The following MYO1D variants were observed in gnomAD, a reference collection of about 807,000 sequenced individuals.
MYO1D encodes the protein unconventional myosin-Id.
In MYO1D, 83 loss-of-function variants were observed where a neutral mutation model predicts 122.0. That is an observed-to-expected ratio of 0.68 (90% CI 0.57 to 0.82). MYO1D has a LOEUF of 0.82. MYO1D is among the 40% of genes least tolerant of loss of function. MYO1D has a pLI of 0.00. For missense variants in MYO1D, 1,157 were observed against 1,269.5 expected, an observed-to-expected ratio of 0.91 and a Z score of 1.35; for synonymous variants, 464 against 446.9, an observed-to-expected ratio of 1.04 and a Z score of -0.48.
At chr17:32,851,934 A>C (rs2090993166) in intron 1 of MYO1D, among the ~76,000 whole-genome samples, 1 of 151,980 alleles carries the variant, frequency 6.6e-6, no homozygotes, top group African/African-American at 2.4e-5. Flanking sequence ...GGGGGTTGGG[A>C]CCCCTGATCT....
At chr17:32,836,831 G>C (rs2090829491) in intron 1 of MYO1D, among the ~76,000 whole-genome samples, 1 of 152,044 alleles carries the variant, frequency 6.6e-6, no homozygotes, top group Non-Finnish European at 1.5e-5. Context: ...TTTTGGTTTA[G>C]TTTGAATGAA....
chr17:32,872,857 C>T (rs1328866916), intron 1 of MYO1D, among the ~76,000 whole-genome samples: 3 of 151,406 alleles, frequency 2.0e-5, no homozygotes, highest in African/African-American at 4.9e-5. Context: ...CCACCGCGCC[C>T]GGCTAATTTT....
At chr17:32,561,382 T>C (rs7208674) in intron 21 of MYO1D, among the ~76,000 whole-genome samples, 45,389 of 151,652 alleles carry the variant, frequency 0.3, 8,389 homozygotes, top group African/African-American at 0.53. Context: ...AATTCATACA[T>C]GTTTATTGTA....
At chr17:32,780,482 T>C (rs958800134) in intron 2 of MYO1D, 94 bp downstream of exon 2, 1 of 1,341,214 alleles carries the variant, frequency 7.5e-7, no homozygotes, top group Non-Finnish European at 1.0e-6. Flanking sequence ...CTTCTACCTT[T>C]AAAAAAATAT....
intron 3 of MYO1D, 143 bp downstream of exon 3, chr17:32,778,337 A>C: frequency 1.6e-6 from 1 of 608,202 alleles, no homozygotes; most frequent in African/African-American, 1.8e-5. Context: ...ACTTAAGAGA[A>C]TCAAAGTAGC....
intron 1 of MYO1D, among the ~76,000 whole-genome samples, chr17:32,793,697 G>C (rs1235209252): frequency 6.6e-6 from 1 of 152,166 alleles, no homozygotes; most frequent in Non-Finnish European, 1.5e-5. Flanking sequence ...TGCAGCATAT[G>C]GGTATTCCCA....
At chr17:32,663,080 GCTAA>G (rs1481625450) in intron 16 of MYO1D, among the ~76,000 whole-genome samples, 2 of 151,972 alleles carry the variant, frequency 1.3e-5, no homozygotes, top group Non-Finnish European at 1.5e-5. Flanking sequence ...ACCACGCCTG[GCTAA>G]CTTTTTGTAT....
intron 14 of MYO1D, among the ~76,000 whole-genome samples, chr17:32,732,393 A>C (rs970203020): frequency 6.6e-6 from 1 of 152,130 alleles, no homozygotes; most frequent in African/African-American, 2.4e-5. Context: ...AAGCCCATAA[A>C]AACCCCAGAC....
chr17:32,580,816 T>C (rs2087331919), intron 21 of MYO1D, among the ~76,000 whole-genome samples: 1 of 152,242 alleles, frequency 6.6e-6, no homozygotes, highest in Non-Finnish European at 1.5e-5. Flanking sequence ...TATTGTTGGA[T>C]TTGATTAGTT....
intron 21 of MYO1D, among the ~76,000 whole-genome samples, chr17:32,539,649 A>G (rs1026384542): frequency 6.6e-6 from 1 of 151,924 alleles, no homozygotes; most frequent in African/African-American, 2.4e-5. Context: ...ATCTCCCTCT[A>G]CCTTTCTTTT....
At chr17:32,520,766 C>T (rs1017648216) in intron 21 of MYO1D, among the ~76,000 whole-genome samples, 25 of 152,204 alleles carry the variant, frequency 1.6e-4, no homozygotes, top group African/African-American at 6.0e-4. Context: ...TCCTAGAAGC[C>T]ACTGTGGTAT....
chr17:32,644,105 G>C lies in MYO1D; in HGVS notation c.2596-5270C>G, dbSNP rs536582981. Among the ~76,000 whole-genome samples, 1,016 of 151,968 alleles carry C rather than the reference G, an allele frequency of 6.7e-3. 9 individuals are homozygous for C. Among genetic ancestry groups the C allele is most frequent in the Non-Finnish European group, 8.9e-3 (604 of 67,946 alleles). Reference sequence around the variant, plus strand: ...GCTTTGAATGTGTCCCAGAGATTCTGGTATGTTGTGTCTTTGTTCTCGTTG... The same window carrying C: ...GCTTTGAATGTGTCCCAGAGATTCTCGTATGTTGTGTCTTTGTTCTCGTTG... On this transcript the variant is annotated intron_variant, in intron 19 of 21. Transcript: ENST00000318217.
chr17:32,612,696 C>CAAAAAAAAAAAAAAAAAAAA (rs1158470135), intron 20 of MYO1D, among the ~76,000 whole-genome samples: 14 of 104,496 alleles, frequency 1.3e-4, no homozygotes, highest in Admixed American at 2.3e-4. Flanking sequence ...AAAAAAAAAA[C>CAAAAAAAAAAAAAAAAAAAA]AAAAAAAAAA....
chr17:32,724,857 C>G (rs1310877022), intron 14 of MYO1D, among the ~76,000 whole-genome samples: 1 of 152,172 alleles, frequency 6.6e-6, no homozygotes, highest in Non-Finnish European at 1.5e-5. Context: ...GCAAAATTAA[C>G]TCTTCCCTGA....
At chr17:32,494,960 G>T in intron 21 of MYO1D, 45 bp from the exon 22 acceptor site, 2 of 1,553,100 alleles carry the variant, frequency 1.3e-6, no homozygotes, top group South Asian at 2.4e-5. Flanking sequence ...CAGGCAGCAT[G>T]AGAACAGGGC....
Position 32,822,898 on chromosome 17 carries a change from G to A in MYO1D, c.96-42114C>T, listed in dbSNP as rs959775281. ...CCTAATGTAAATGACGAGTTAAGGG[G>A]TGCAGCACACCAACATGGCACATGT... On this transcript the variant is annotated intron_variant, in intron 1 of 21. Transcript: ENST00000318217. 1.6e-4 allele frequency among the ~76,000 whole-genome samples: 25 copies of A among 152,134 alleles called. No homozygotes were observed. In the East Asian group the frequency reaches 4.1e-3, roughly 25 times the overall value.
intron 20 of MYO1D, among the ~76,000 whole-genome samples, chr17:32,610,867 C>G (rs936916021): frequency 6.6e-6 from 1 of 152,198 alleles, no homozygotes; most frequent in Non-Finnish European, 1.5e-5. Context: ...CACATAGATG[C>G]GTTTCTCCGA....
chr17:32,650,124 A>G (rs2088368467), intron 19 of MYO1D, among the ~76,000 whole-genome samples: 1 of 152,050 alleles, frequency 6.6e-6, no homozygotes, highest in South Asian at 2.1e-4. Flanking sequence ...AACATTTCCT[A>G]TAGTGTTTAT....
intron 21 of MYO1D, among the ~76,000 whole-genome samples, chr17:32,539,528 A>G (rs1247099622): frequency 6.6e-6 from 1 of 152,132 alleles, no homozygotes; most frequent in African/African-American, 2.4e-5. Flanking sequence ...CAGAGCCTCT[A>G]GGGTTCTCTG....
Sources: gnomAD v4.1 joint callset for allele counts (sites outside exome capture counted in the v4.1 genomes callset) on GRCh38, gnomAD v4.1.1 for gene constraint, MANE v1.5 for transcripts, NCBI Gene and HGNC (gene_info 2026-07-23, HGNC 2026-07-21) for gene names.